The following SMIM7 variants were observed in gnomAD, a reference collection of about 807,000 sequenced individuals.
SMIM7 encodes the protein small integral membrane protein 7, also known as UPF0608 protein C19orf42.
In SMIM7, 12 loss-of-function variants were observed where a neutral mutation model predicts 13.3. The ratio of observed to expected loss-of-function variants is 0.90; its 90% CI spans 0.58 to 1.46. The LOEUF (loss-of-function observed/expected upper bound fraction) is 1.46. Ranked by LOEUF, SMIM7 falls within the 40% of genes most tolerant of loss-of-function variation. The pLI is 0.00. For missense variants in SMIM7, 114 were observed against 94.8 expected (o/e 1.20, Z -0.84); for synonymous variants, 36 against 35.8 (o/e 1.01, Z -0.02).
At chr19:16,652,781 G>T in intron 4 of SMIM7, 3 of 1,510,416 alleles carry the variant, frequency 2.0e-6, no homozygotes, top group African/African-American at 1.4e-5. Flanking sequence ...ACAACTTTTT[G>T]TCCTCTCTCT....
chr19:16,652,933 G>C (rs1402331706), intron 4 of SMIM7: 1 of 1,550,602 alleles, frequency 6.4e-7, no homozygotes, highest in Non-Finnish European at 8.7e-7. Flanking sequence ...GTGCTAGATG[G>C]AAAGGCAATC....
At chr19:16,655,733 A>T (rs2086589521) in intron 3 of SMIM7, among the ~76,000 whole-genome samples, 1 of 151,620 alleles carries the variant, frequency 6.6e-6, no homozygotes, top group Admixed American at 6.6e-5. Context: ...GTGATCTACA[A>T]GGGTGCTACC....
chr19:16,639,953 GT>G (rs1012071011), intron 4 of SMIM7: 72 of 142,386 alleles, frequency 5.1e-4, no homozygotes, highest in Middle Eastern at 7.5e-3. Flanking sequence ...TCGGTTTTTT[GT>G]TTTTTTTTTT....
At chr19:16,659,471 C>T (rs769972531) in intron 2 of SMIM7, 24 bp from the exon 3 acceptor site, 3 of 1,609,366 alleles carry the variant, frequency 1.9e-6, no homozygotes, top group African/African-American at 1.3e-5. Context: ...CAGACAGTGT[C>T]CACTTTCAAT....
chr19:16,650,646 G>A (rs759794863), intron 4 of SMIM7, among the ~76,000 whole-genome samples: 1 of 151,126 alleles, frequency 6.6e-6, no homozygotes, highest in South Asian at 2.1e-4. Context: ...GGAGATGCAG[G>A]ATGCAGTGAG....
At chr19:16,631,203 T>C (rs1007933714) in exon 5 of SMIM7, 10 of 152,044 alleles carry the variant, frequency 6.6e-5, no homozygotes, top group African/African-American at 2.4e-4. Flanking sequence ...CTGGCCAACA[T>C]GGTGAAACCC....
chr19:16,633,146 T>C (rs2086333834), intron 4 of SMIM7, among the ~76,000 whole-genome samples: 1 of 151,972 alleles, frequency 6.6e-6, no homozygotes, highest in Non-Finnish European at 1.5e-5. Context: ...ACCTCACTGG[T>C]GTTTGTACAT....
Position 16,646,965 on chromosome 19 carries a change from G to T in SMIM7, c.*281C>A. The T allele has an allele frequency of 1.9e-6, 1 of 531,034 alleles. No homozygotes were observed. The allele number at this position is 531,034 out of a possible 1,614,324, so 32.9% of individuals were successfully genotyped here. Reference sequence around the variant, plus strand: ...TAGAAATGATTTTTCTTTTATCTATGGGGAATGCAATTTCATCACAGCCCC... The same window carrying T: ...TAGAAATGATTTTTCTTTTATCTATTGGGAATGCAATTTCATCACAGCCCC... On this transcript the variant is annotated 3_prime_UTR_variant, in exon 5 of 5. Coordinates refer to ENST00000487416, the MANE Select transcript of SMIM7 (RefSeq NM_024104.4).
At chr19:16,637,795 G>A (rs1469539306) in intron 4 of SMIM7, among the ~76,000 whole-genome samples, 1 of 152,196 alleles carries the variant, frequency 6.6e-6, no homozygotes, top group African/African-American at 2.4e-5. Context: ...AGCAGCTGTT[G>A]AACACTATGG....
At chr19:16,635,899 A>AAAAAAAAT (rs1200181092) in intron 4 of SMIM7, among the ~76,000 whole-genome samples, 8 of 109,578 alleles carry the variant, frequency 7.3e-5, no homozygotes, top group African/African-American at 3.5e-4. Context: ...AAAAAAAAAA[A>AAAAAAAAT]ATATATATAT....
intron 4 of SMIM7, among the ~76,000 whole-genome samples, chr19:16,635,657 G>A (rs918483135): frequency 1.3e-5 from 2 of 151,744 alleles, no homozygotes; most frequent in Non-Finnish European, 2.9e-5. Context: ...CGAGGCGGGC[G>A]GATCACTTGA....
At position 16,637,002 on chromosome 19, in the gene SMIM7, C is replaced by T. The variant is rs528173970; in HGVS notation, c.*138-5278G>A. Among the ~76,000 whole-genome samples the T allele has an allele frequency of 4.6e-4, 70 of 152,274 alleles. No individual in the cohort carries two copies. In the Middle Eastern group the frequency reaches 0.01, roughly 22 times the overall value. On this transcript the variant is annotated intron_variant and NMD_transcript_variant, in intron 4 of 4. Coordinates refer to the SMIM7 transcript ENST00000465250. Reference sequence around the variant, plus strand: ...AAAAGTAAAGAAAAAGTGGATCATTCGGTCCTTTAAGATGTGGCACTGCCC... The same window carrying T: ...AAAAGTAAAGAAAAAGTGGATCATTTGGTCCTTTAAGATGTGGCACTGCCC...
chr19:16,653,806 A>G, intron 4 of SMIM7: 1 of 500,504 alleles, frequency 2.0e-6, no homozygotes, highest in Non-Finnish European at 3.5e-6. Context: ...GAGGCAGGAG[A>G]ATCGCTTAGA....
At chr19:16,630,807 T>G (rs1326516895) in exon 5 of SMIM7, 3 of 152,238 alleles carry the variant, frequency 2.0e-5, no homozygotes, top group Admixed American at 1.3e-4. Context: ...AATGCAAAGA[T>G]TAAATCAGAC....
In SMIM7 at chr19:16,647,145, T is replaced by C. The variant is rs367616173; in HGVS notation, c.*101A>G. ...CACGAGCTTGGACTTTCTGGGAAGG[T>C]TGTCGGTTTTCTGGTCAAAAACATT... On this transcript the variant is annotated 3_prime_UTR_variant, in exon 5 of 5. Transcript: ENST00000487416. The C allele has an allele frequency of 2.5e-4, 377 of 1,510,358 alleles. No homozygotes were observed. Among genetic ancestry groups the C allele is most frequent in the Non-Finnish European group, 2.8e-4 (309 of 1,091,690 alleles). The allele number at this position is 1,510,358 out of a possible 1,614,324, so 93.6% of individuals were successfully genotyped here.
chr19:16,651,339 G>A (rs796635562), intron 4 of SMIM7, among the ~76,000 whole-genome samples: 8 of 152,268 alleles, frequency 5.3e-5, no homozygotes, highest in African/African-American at 1.4e-4. Context: ...GAACTTTTGC[G>A]AAGTTCATTC....
chr19:16,647,237 C>T lies in SMIM7; in HGVS notation c.*9G>A, dbSNP rs530604662. 3.1e-6 allele frequency: 5 copies of T among 1,613,960 alleles called. No individual in the cohort carries two copies. The highest frequency in any genetic ancestry group is 1.6e-4 in the Middle Eastern group (1 of 6,062). The stretch of plus-strand genomic sequence containing the variant: ...CGGGAAAGTGAGTTCCTGGTTTCAT[C>T]GCTGGGATTCAAGAGCCGAACAGCC... On this transcript the variant is annotated 3_prime_UTR_variant, in exon 5 of 5. Transcript: ENST00000487416.
intron 4 of SMIM7, chr19:16,652,616 T>A: frequency 2.3e-6 from 3 of 1,289,188 alleles, no homozygotes; most frequent in Non-Finnish European, 3.0e-6. Flanking sequence ...TTGGCAACAG[T>A]CTTCCTGGGA....
chr19:16,653,125 G>A (rs1244424573), intron 4 of SMIM7, among the ~76,000 whole-genome samples: 1 of 152,238 alleles, frequency 6.6e-6, no homozygotes, highest in Non-Finnish European at 1.5e-5. Flanking sequence ...ACAGGGCCAT[G>A]GGCTCAGGGA....
Sources: allele counts gnomAD v4.1 joint callset (sites outside exome capture counted in the v4.1 genomes callset), GRCh38; gene constraint gnomAD v4.1.1; transcripts MANE v1.5; gene names NCBI Gene and HGNC (gene_info 2026-07-23, HGNC 2026-07-21).